The following CDH4 variants were observed in gnomAD, a reference collection of about 807,000 sequenced individuals.
The protein encoded by CDH4 is cadherin-4.
Under a neutral mutation model 86.0 loss-of-function variants are expected in CDH4, and 33 were observed. The ratio of observed to expected loss-of-function variants is 0.38; its 90% CI spans 0.29 to 0.51. The LOEUF (loss-of-function observed/expected upper bound fraction) is 0.51, where lower values mean the gene tolerates loss of function less well. Among genes scored for constraint, CDH4 ranks in the 20% least tolerant of loss-of-function variants. The probability of loss-of-function intolerance (pLI) is 0.86; values close to 1 mark genes in which losing one functional copy is unlikely to be tolerated. For missense variants in CDH4, 1,114 were observed against 1,307.4 expected, an observed-to-expected ratio of 0.85 and a Z score of 2.28; for synonymous variants, 555 against 549.4, an observed-to-expected ratio of 1.01 and a Z score of -0.14.
chr20:61,513,337 C>T (rs946955134), intron 2 of CDH4, among the ~76,000 whole-genome samples: 1 of 152,206 alleles, frequency 6.6e-6, no homozygotes, highest in Non-Finnish European at 1.5e-5. Flanking sequence ...AGCACGACTG[C>T]GGGGGCTAAC....
intron 2 of CDH4, among the ~76,000 whole-genome samples, chr20:61,723,142 G>A (rs1041436400): frequency 4.6e-5 from 7 of 152,206 alleles, no homozygotes; most frequent in Admixed American, 1.3e-4. Flanking sequence ...CCGACTCCCA[G>A]AGGATCAGAG....
chr20:61,635,811 T>C (rs115220345), intron 2 of CDH4, among the ~76,000 whole-genome samples: 2,244 of 152,252 alleles, frequency 0.015, 64 homozygotes, highest in African/African-American at 0.051. Context: ...CCCCCAGGAT[T>C]TCCCCACTGT....
At chr20:61,839,747 A>G (rs946505081) in intron 4 of CDH4, among the ~76,000 whole-genome samples, 1 of 148,876 alleles carries the variant, frequency 6.7e-6, no homozygotes, top group Admixed American at 6.7e-5. Context: ...GTGTACATGT[A>G]TGTTTGTGTG....
intron 2 of CDH4, among the ~76,000 whole-genome samples, chr20:61,619,433 T>G (rs2086751983): frequency 6.6e-6 from 1 of 152,114 alleles, no homozygotes; most frequent in Non-Finnish European, 1.5e-5. Flanking sequence ...CGCAAATAAT[T>G]TTTTTTCATT....
At chr20:61,691,575 A>G (rs914344149) in intron 2 of CDH4, among the ~76,000 whole-genome samples, 11 of 152,202 alleles carry the variant, frequency 7.2e-5, no homozygotes, top group Admixed American at 2.6e-4. Flanking sequence ...AGCTGATTTC[A>G]TCACCGTACA....
intron 2 of CDH4, among the ~76,000 whole-genome samples, chr20:61,298,435 C>T (rs2084368597): frequency 6.6e-6 from 1 of 152,064 alleles, no homozygotes; most frequent in African/African-American, 2.4e-5. Flanking sequence ...ACCCCTTCCT[C>T]CCGCACTTCC....
chr20:61,618,070 G>A (rs1321427784), intron 2 of CDH4, among the ~76,000 whole-genome samples: 3 of 152,128 alleles, frequency 2.0e-5, no homozygotes, highest in African/African-American at 4.8e-5. Context: ...GTGGAACTGT[G>A]AGTCCATTAA....
intron 2 of CDH4, among the ~76,000 whole-genome samples, chr20:61,282,942 TGTG>T (rs2084269324): frequency 6.1e-5 from 3 of 49,178 alleles, no homozygotes; most frequent in South Asian, 9.9e-4. Flanking sequence ...ACGCGTGTGC[TGTG>T]GCGTGTGATG....
intron 2 of CDH4, among the ~76,000 whole-genome samples, chr20:61,398,353 A>C (rs978826595): frequency 1.1e-4 from 17 of 152,196 alleles, no homozygotes; most frequent in Non-Finnish European, 2.9e-5. Flanking sequence ...TATCACCTCT[A>C]AGGGTGGAGA....
chr20:61,921,771 C>A (rs1267018766), intron 9 of CDH4, among the ~76,000 whole-genome samples: 2 of 148,434 alleles, frequency 1.3e-5, no homozygotes, highest in African/African-American at 5.0e-5. Context: ...AAAAAAAAAT[C>A]AAAGCTCTAT....
At chr20:61,901,762 C>T (rs1318312015) in intron 8 of CDH4, among the ~76,000 whole-genome samples, 1 of 152,198 alleles carries the variant, frequency 6.6e-6, no homozygotes, top group Non-Finnish European at 1.5e-5. Flanking sequence ...AGCATCAATC[C>T]CACGCTGGCC....
At chr20:61,935,364 A>C (rs2153935) in intron 15 of CDH4, among the ~76,000 whole-genome samples, 29,801 of 152,238 alleles carry the variant, frequency 0.2, 3,310 homozygotes, top group Middle Eastern at 0.28. Context: ...CTGCCCACGC[A>C]GAAGCTGCTC....
intron 8 of CDH4, among the ~76,000 whole-genome samples, chr20:61,899,528 C>T (rs929103306): frequency 7.2e-5 from 11 of 152,008 alleles, no homozygotes; most frequent in Non-Finnish European, 1.2e-4. Flanking sequence ...CCTGGGTTCA[C>T]GCCATTCTCC....
intron 6 of CDH4, among the ~76,000 whole-genome samples, chr20:61,863,298 T>A (rs1475872642): frequency 6.6e-6 from 1 of 152,172 alleles, no homozygotes; most frequent in Non-Finnish European, 1.5e-5. Context: ...GGGCGGGGGA[T>A]GCTGTCCCAA....
chr20:61,524,353 G>A (rs1415779340), intron 2 of CDH4, among the ~76,000 whole-genome samples: 1 of 152,160 alleles, frequency 6.6e-6, no homozygotes, highest in Non-Finnish European at 1.5e-5. Context: ...ACCTGCATTC[G>A]TGCGATTGTG....
At chr20:61,320,876 G>A (rs1182036930) in intron 2 of CDH4, among the ~76,000 whole-genome samples, 9 of 152,006 alleles carry the variant, frequency 5.9e-5, no homozygotes, top group Admixed American at 2.0e-4. Context: ...GGGCTGTGGC[G>A]TGAAGACAGT....
intron 2 of CDH4, among the ~76,000 whole-genome samples, chr20:61,673,298 C>G (rs968266674): frequency 2.0e-5 from 3 of 152,188 alleles, no homozygotes; most frequent in Non-Finnish European, 4.4e-5. Context: ...ATCTCAGCGG[C>G]AGCTGCAGCA....
rs1209404663 is a variant in CDH4, at chr20:61,518,593, CCAT to C, written c.170-224962_170-224960del. ...ATCTATCCATCCATATATCATCCAT[CCAT>C]CATCATCCACTCATCCATCCATCCT... On this transcript the variant is annotated intron_variant, in intron 2 of 15. Coordinates refer to ENST00000614565, the MANE Select transcript of CDH4 (RefSeq NM_001794.5). The surrounding 1 kb of genome is among the most constrained non-coding windows in gnomAD (Gnocchi z 6.3). 1.3e-5 allele frequency among the ~76,000 whole-genome samples: 2 copies of C among 151,978 alleles called. No individual in the cohort carries two copies. The highest frequency in any genetic ancestry group is 1.9e-4 in the East Asian group (1 of 5,154).
rs555196907 is a variant in CDH4 at position 61,459,049 on chromosome 20, C to A, written c.169+204112C>A. ...TCTGTCTGGAGGCTTCTCATCCACA[C>A]CTCCCCCTGGCTGTCTCCTTTTTTA... On this transcript the variant is annotated intron_variant, in intron 2 of 15. Transcript: ENST00000614565. 2.0e-5 allele frequency among the ~76,000 whole-genome samples: 3 copies of A among 152,048 alleles called. No homozygotes were observed. The East Asian group carries it at 5.8e-4, about 30-fold the overall frequency.
Sources: allele counts gnomAD v4.1 joint callset (sites outside exome capture counted in the v4.1 genomes callset), GRCh38; gene constraint gnomAD v4.1.1; non-coding constraint Gnocchi (gnomAD v3.1); transcripts MANE v1.5; gene names NCBI Gene and HGNC (gene_info 2026-07-23, HGNC 2026-07-21).